The following KDM4C variants were observed in gnomAD, a reference collection of about 807,000 sequenced individuals.
KDM4C encodes the protein lysine demethylase 4C, also known as lysine-specific demethylase 4C.
A neutral mutation model predicts 129.3 loss-of-function variants in KDM4C; 81 were observed. That is an observed-to-expected ratio of 0.63 (90% CI 0.52 to 0.75). KDM4C has a LOEUF of 0.75. KDM4C is among the 30% of genes least tolerant of loss of function. The pLI, the probability that KDM4C is intolerant of heterozygous loss-of-function variation, is 0.00. For synonymous variants in KDM4C, 573 were observed against 456.1 expected (o/e 1.26, Z -3.26); for missense variants, 1,457 against 1,304.0 (o/e 1.12, Z -1.81).
intron 8 of KDM4C, among the ~76,000 whole-genome samples, chr9:6,972,658 C>T (rs1023045897): frequency 6.6e-6 from 1 of 152,178 alleles, no homozygotes; most frequent in Non-Finnish European, 1.5e-5. Context: ...TTTAATGCAG[C>T]TTTGTTTTGC....
At chr9:6,806,889 C>T (rs1366168273) in intron 3 of KDM4C, among the ~76,000 whole-genome samples, 1 of 113,674 alleles carries the variant, frequency 8.8e-6, no homozygotes, top group East Asian at 3.6e-4. Flanking sequence ...TCTCCCTCTC[C>T]CTCTCCCTCT....
chr9:6,898,746 A>G (rs1020170189), intron 8 of KDM4C, among the ~76,000 whole-genome samples: 24 of 152,176 alleles, frequency 1.6e-4, no homozygotes, highest in Non-Finnish European at 2.9e-4. Flanking sequence ...TTATATTTCA[A>G]TTCTCTAAAA....
At chr9:6,861,826 A>G (rs942943730) in intron 5 of KDM4C, among the ~76,000 whole-genome samples, 9 of 149,720 alleles carry the variant, frequency 6.0e-5, no homozygotes, top group African/African-American at 2.2e-4. Context: ...CCCAGGCTGC[A>G]GTGCAATGGT....
At chr9:6,844,498 G>A (rs1031260116) in intron 4 of KDM4C, among the ~76,000 whole-genome samples, 14 of 152,150 alleles carry the variant, frequency 9.2e-5, no homozygotes, top group Non-Finnish European at 1.9e-4. Context: ...ACACAGCACT[G>A]TTTTACATGA....
intron 15 of KDM4C, among the ~76,000 whole-genome samples, chr9:7,039,360 T>C (rs1406105329): frequency 6.6e-6 from 1 of 152,064 alleles, no homozygotes; most frequent in Non-Finnish European, 1.5e-5. Context: ...TTCAACATAT[T>C]ATTTATAAGT....
intron 9 of KDM4C, among the ~76,000 whole-genome samples, chr9:6,983,106 A>G (rs1817052407): frequency 6.6e-6 from 1 of 152,222 alleles, no homozygotes; most frequent in South Asian, 2.1e-4. Flanking sequence ...AACAAAAGCA[A>G]TGATGGTGAT....
At chr9:7,060,454 G>GTTGTTA (rs1236293034) in intron 17 of KDM4C, among the ~76,000 whole-genome samples, 53 of 127,532 alleles carry the variant, frequency 4.2e-4, no homozygotes, top group East Asian at 9.2e-4. Flanking sequence ...CAGTATTGTT[G>GTTGTTA]TTATTATTAT....
chr9:7,063,122 T>A (rs979228723), intron 17 of KDM4C, among the ~76,000 whole-genome samples: 1 of 152,218 alleles, frequency 6.6e-6, no homozygotes, highest in African/African-American at 2.4e-5. Context: ...TTGCCACATA[T>A]CTTTAGTAAA....
At chr9:6,973,012 C>G (rs1832270675) in intron 8 of KDM4C, among the ~76,000 whole-genome samples, 1 of 152,140 alleles carries the variant, frequency 6.6e-6, no homozygotes, top group Non-Finnish European at 1.5e-5. Context: ...TGGGGCCAGA[C>G]ATAGTCTCAT....
At chr9:6,757,961 C>T (rs1818555237), upstream of KDM4C, 1 of 985,378 alleles carries the variant, frequency 1.0e-6, no homozygotes, top group Non-Finnish European at 1.2e-6. Flanking sequence ...GCGCGCGCGC[C>T]CTCGCGCAGG....
chr9:7,045,676 C>T (rs978312289), intron 15 of KDM4C, among the ~76,000 whole-genome samples: 4 of 151,958 alleles, frequency 2.6e-5, no homozygotes, highest in African/African-American at 9.7e-5. Flanking sequence ...TCAATATACA[C>T]AGTGTATCTT....
chr9:6,728,531 GA>G (rs1817218347), intron 1 of KDM4C, among the ~76,000 whole-genome samples: 1 of 150,156 alleles, frequency 6.7e-6, no homozygotes, highest in Non-Finnish European at 1.5e-5. Flanking sequence ...CTCCTACTCT[GA>G]AAAAACAAAC....
chr9:6,921,705 C>G (rs981894865), intron 8 of KDM4C, among the ~76,000 whole-genome samples: 1 of 152,164 alleles, frequency 6.6e-6, no homozygotes, highest in Admixed American at 6.5e-5. Flanking sequence ...TCTCCCCTTC[C>G]TAGCTTCCCA....
At chr9:7,004,395 G>A (rs1417599745) in intron 12 of KDM4C, among the ~76,000 whole-genome samples, 1 of 152,126 alleles carries the variant, frequency 6.6e-6, no homozygotes, top group Non-Finnish European at 1.5e-5. Context: ...AACTTAAAAA[G>A]CCTCTTTATT....
chr9:6,922,061 C>G (rs943472256), intron 8 of KDM4C, among the ~76,000 whole-genome samples: 1 of 152,178 alleles, frequency 6.6e-6, no homozygotes, highest in Non-Finnish European at 1.5e-5. Context: ...CACCTGTATG[C>G]CCAGTGCCTA....
At chr9:7,108,684 C>T (rs1386488055) in intron 18 of KDM4C, among the ~76,000 whole-genome samples, 1 of 152,126 alleles carries the variant, frequency 6.6e-6, no homozygotes, top group African/African-American at 2.4e-5. Flanking sequence ...AGCAAGGGCT[C>T]TGTGGGTTAA....
chr9:6,903,636 A>G (rs1166285865), intron 8 of KDM4C, among the ~76,000 whole-genome samples: 2 of 152,260 alleles, frequency 1.3e-5, no homozygotes, highest in East Asian at 1.9e-4. Flanking sequence ...ATGTCCAATG[A>G]TATAGGAATC....
chr9:7,141,798 T>C (rs1841765704), intron 19 of KDM4C, among the ~76,000 whole-genome samples: 1 of 140,982 alleles, frequency 7.1e-6, no homozygotes. Context: ...TGTTATTAGG[T>C]TTTTTTTTTT....
At chr9:6,721,133 G>C (rs1248891218) in intron 1 of KDM4C, 3 of 721,208 alleles carry the variant, frequency 4.2e-6, no homozygotes, top group Non-Finnish European at 6.9e-6. Context: ...GAGGGCAGTG[G>C]TGCAATCACA....
Sources: gnomAD v4.1 joint callset for allele counts (sites outside exome capture counted in the v4.1 genomes callset) on GRCh38, gnomAD v4.1.1 for gene constraint, MANE v1.5 for transcripts, NCBI Gene and HGNC (gene_info 2026-07-23, HGNC 2026-07-21) for gene names.